The following TUT4 variants were observed in gnomAD, a reference collection of about 807,000 sequenced individuals.
TUT4 encodes terminal uridylyltransferase 4.
A neutral mutation model predicts 192.2 loss-of-function variants in TUT4; 36 were observed. The observed-to-expected ratio is 0.19, with a 90% CI of 0.14 to 0.25. The LOEUF is 0.25. Among genes scored for constraint, TUT4 ranks in the 10% least tolerant of loss-of-function variants. TUT4 has a pLI of 1.00. For missense variants in TUT4, 1,493 were observed against 1,957.2 expected (o/e 0.76, Z 4.47); for synonymous variants, 618 against 666.0 (o/e 0.93, Z 1.11).
intron 24 of TUT4, 151 bp downstream of exon 24, chr1:52,445,636 C>T: frequency 1.6e-6 from 1 of 615,606 alleles, no homozygotes; most frequent in South Asian, 2.3e-5. Context: ...ATATATATCT[C>T]ACTATGGACT....
intron 2 of TUT4, among the ~76,000 whole-genome samples, chr1:52,519,946 G>C (rs1679792221): frequency 1.3e-5 from 2 of 152,134 alleles, no homozygotes; most frequent in South Asian, 4.1e-4. Flanking sequence ...TTGAACCCGG[G>C]AGGCGGTGGT....
intron 1 of TUT4, among the ~76,000 whole-genome samples, chr1:52,535,871 A>G (rs1247596765): frequency 1.3e-5 from 2 of 152,226 alleles, no homozygotes; most frequent in East Asian, 3.8e-4. Flanking sequence ...TGAAGTCCTA[A>G]AAGAAAAAAG....
chr1:52,425,500 G>A lies in TUT4; in HGVS notation c.4719C>T (p.Gly1573=). 6.2e-7 allele frequency: 1 copy of A among 1,608,706 alleles called. No individual in the cohort carries two copies. Among genetic ancestry groups the A allele is most frequent in the Non-Finnish European group, 8.5e-7 (1 of 1,177,932 alleles). ...GAATTGGAGGAGTCAGTCCTCGAAA[G>A]CCTGGCTCTGCATTTCAACAAGAGG... ...NSGAVGNSEP[G]FRGLTPPIPW... Residue 1573 remains glycine, a synonymous_variant, in exon 29 of 30, where the codon GGC becomes GGT. Transcript: ENST00000257177.
At chr1:52,453,033 A>G (rs544791099) in intron 20 of TUT4, among the ~76,000 whole-genome samples, 1 of 152,348 alleles carries the variant, frequency 6.6e-6, no homozygotes, top group East Asian at 1.9e-4. Flanking sequence ...AAACCCCCCC[A>G]ACACATTTGG....
At chr1:52,453,543 A>C (rs551042761) in intron 20 of TUT4, among the ~76,000 whole-genome samples, 9 of 151,940 alleles carry the variant, frequency 5.9e-5, no homozygotes, top group African/African-American at 1.7e-4. Context: ...AAAAAAAAAA[A>C]CTCTATAAAC....
Position 52,481,836 on chromosome 1 carries a change from G to A in TUT4, c.1603C>T (p.Pro535Ser), listed in dbSNP as rs772365490. The A allele has an allele frequency of 1.3e-6, 2 of 1,596,864 alleles. No individual in the cohort carries two copies. Among genetic ancestry groups the A allele is most frequent in the Admixed American group, 1.8e-5 (1 of 54,746 alleles). ...CCAAGTAAGCAAGGAAGAAGAGGGG[G>A]TTTTCTCTGTTGTAGAAAAAACATC... ...MVMFFLQQRK[P>S]PLLPCLLGSW... is the part of the protein sequence containing the mutation. Residue 535 changes from proline to serine, a missense_variant, in exon 10 of 30, where the codon CCC becomes TCC. Coordinates refer to ENST00000257177, the MANE Select transcript of TUT4 (RefSeq NM_001009881.3).
At chr1:52,538,729 TATC>T (rs1685673195) in intron 1 of TUT4, 1 of 151,714 alleles carries the variant, frequency 6.6e-6, no homozygotes, top group Non-Finnish European at 1.5e-5. Flanking sequence ...CAAAGAATCC[TATC>T]ATATCTTTCC....
chr1:52,489,044 G>A lies in TUT4; in HGVS notation c.1389-9C>T, dbSNP rs1389895175. ...CTCTACAAAGTAAACCACTGTGAAT[G>A]AGAAAGAAACAAATTTCATTGTATT... On this transcript the variant is annotated splice_polypyrimidine_tract_variant and intron_variant, in intron 8 of 29. Transcript: ENST00000257177. 1 of 1,603,506 alleles carries A rather than the reference G, an allele frequency of 6.2e-7. No homozygotes were observed. Among genetic ancestry groups the A allele is most frequent in the Admixed American group, 1.7e-5 (1 of 57,170 alleles).
intron 3 of TUT4, among the ~76,000 whole-genome samples, chr1:52,514,465 A>G (rs748424470): frequency 2.0e-5 from 3 of 152,168 alleles, no homozygotes; most frequent in Non-Finnish European, 4.4e-5. Context: ...AACAAAAAGT[A>G]TAAGAGCAAA....
chr1:52,428,728 T>C (rs1312059547), intron 28 of TUT4, among the ~76,000 whole-genome samples: 6 of 151,598 alleles, frequency 4.0e-5, no homozygotes, highest in African/African-American at 1.2e-4. Flanking sequence ...AAGGCGGAGG[T>C]TGCAGTGAGC....
At chr1:52,451,773 G>A (rs1012534201) in intron 20 of TUT4, among the ~76,000 whole-genome samples, 1 of 151,472 alleles carries the variant, frequency 6.6e-6, no homozygotes, top group Non-Finnish European at 1.5e-5. Flanking sequence ...AACCCAGGAG[G>A]CGGAGATTGC....
intron 19 of TUT4, among the ~76,000 whole-genome samples, chr1:52,458,888 G>T (rs1661695101): frequency 6.6e-6 from 1 of 151,964 alleles, no homozygotes; most frequent in African/African-American, 2.4e-5. Flanking sequence ...GACTAAGAAG[G>T]TTTTTTTAAT....
Position 52,475,156 on chromosome 1 carries a change from A to G in TUT4, c.2403T>C (p.Ser801=), listed in dbSNP as rs376483871. The part of the protein sequence containing the change: ...ADHGQDSSSL[S]TSKSSEIEPK... ...GCTCTATTTCACTGCTTTTGCTGGT[A>G]GAAAGAGATGAAGAGTCCTGTCCGT... Residue 801 remains serine, a synonymous_variant, in exon 13 of 30, where the codon TCT becomes TCC. Coordinates refer to ENST00000257177, the MANE Select transcript of TUT4 (RefSeq NM_001009881.3). The G allele has an allele frequency of 3.7e-6, 6 of 1,614,162 alleles. No individual in the cohort carries two copies. The highest frequency in any genetic ancestry group is 5.1e-6 in the Non-Finnish European group (6 of 1,180,018).
At chr1:52,459,273 G>A (rs1354561200) in intron 19 of TUT4, among the ~76,000 whole-genome samples, 4 of 150,936 alleles carry the variant, frequency 2.7e-5, no homozygotes, top group Non-Finnish European at 3.0e-5. Flanking sequence ...GCGACAGAGC[G>A]AGACTCCGTC....
chr1:52,475,102 T>C lies in TUT4; in HGVS notation c.2457A>G (p.Leu819=). 1 of 1,614,204 alleles carries C rather than the reference T, an allele frequency of 6.2e-7. No individual in the cohort carries two copies. Among genetic ancestry groups the C allele is most frequent in the Non-Finnish European group, 8.5e-7 (1 of 1,180,034 alleles). ...TTTTTAAACAAGTTTCTGAAGGCGC[T>C]AAATCATCTTGTTTCTTATCTAATT... ...EPKLDKKQDD[L]APSETCLKKE... Residue 819 remains leucine, a synonymous_variant, in exon 13 of 30, where the codon TTA becomes TTG. Coordinates refer to ENST00000257177, the MANE Select transcript of TUT4 (RefSeq NM_001009881.3).
At chr1:52,471,280 G>T (rs1232207004) in intron 14 of TUT4, among the ~76,000 whole-genome samples, 1 of 152,144 alleles carries the variant, frequency 6.6e-6, no homozygotes, top group Non-Finnish European at 1.5e-5. Flanking sequence ...CTCCCAAAAT[G>T]CTGGGATTAC....
At chr1:52,448,694 C>T (rs1408613473) in intron 20 of TUT4, among the ~76,000 whole-genome samples, 1 of 150,946 alleles carries the variant, frequency 6.6e-6, no homozygotes, top group Non-Finnish European at 1.5e-5. Flanking sequence ...TATTAAGGGG[C>T]TGACATGTAA....
At chr1:52,535,019 A>G (rs1018617281) in intron 1 of TUT4, 2 of 152,034 alleles carry the variant, frequency 1.3e-5, no homozygotes, top group Non-Finnish European at 2.9e-5. Flanking sequence ...TTCTAGGATG[A>G]TCTCTTTGCT....
At chr1:52,432,621 T>C (rs1293242469) in intron 27 of TUT4, 2 of 152,198 alleles carry the variant, frequency 1.3e-5, no homozygotes, top group Non-Finnish European at 2.9e-5. Context: ...ATAGAGAATT[T>C]TTTTAAAGGC....
Sources: gnomAD v4.1 joint callset for allele counts (sites outside exome capture counted in the v4.1 genomes callset) on GRCh38, gnomAD v4.1.1 for gene constraint, MANE v1.5 for transcripts, NCBI Gene and HGNC (gene_info 2026-07-23, HGNC 2026-07-21) for gene names.